CYTH1: variants seen among roughly 807,000 people sequenced by gnomAD.
CYTH1 encodes cytohesin-1.
CYTH1 carries 18 observed loss-of-function variants against 61.8 expected under a neutral mutation model. The ratio of observed to expected loss-of-function variants is 0.29; its 90% CI spans 0.20 to 0.43. The LOEUF (loss-of-function observed/expected upper bound fraction) is 0.43, where lower values mean the gene tolerates loss of function less well. Ranked by LOEUF, CYTH1 falls within the 20% of genes least tolerant of loss-of-function variation. The pLI is 1.00. For synonymous variants in CYTH1, 174 were observed against 184.3 expected, an observed-to-expected ratio of 0.94 and a Z score of 0.45; for missense variants, 336 against 510.5, an observed-to-expected ratio of 0.66 and a Z score of 3.29.
intron 1 of CYTH1, among the ~76,000 whole-genome samples, chr17:78,779,007 T>C (rs2093505282): frequency 6.6e-6 from 1 of 152,188 alleles, no homozygotes; most frequent in Admixed American, 6.5e-5. Flanking sequence ...CATATGATCA[T>C]CTTACACCAT....
chr17:78,749,954 A>G (rs1464481616), intron 1 of CYTH1, among the ~76,000 whole-genome samples: 1 of 152,198 alleles, frequency 6.6e-6, no homozygotes, highest in African/African-American at 2.4e-5. Flanking sequence ...AAATAATACC[A>G]CATACTTATT....
rs2092691129 is a variant in CYTH1, at chr17:78,675,729, G to A, written c.*362C>T. 5.3e-6 allele frequency: 3 copies of A among 567,910 alleles called. No homozygotes were observed. In the South Asian group the frequency reaches 9.7e-5, roughly 18 times the overall value. The allele number at this position is 567,910 out of a possible 1,614,324, so 35.2% of individuals were successfully genotyped here. On this transcript the variant is annotated 3_prime_UTR_variant, in exon 14 of 14. Transcript: ENST00000446868. ...ATATATGGACACATGTATTTATGGT[G>A]CAGGGTTTGAAGGCTTCTTCACGGG...
chr17:78,730,464 G>A (rs559066810), intron 1 of CYTH1, among the ~76,000 whole-genome samples: 7 of 150,196 alleles, frequency 4.7e-5, no homozygotes, highest in South Asian at 4.3e-4. Flanking sequence ...GTGTGAACTC[G>A]GGAGGCAGAG....
At chr17:78,678,192 T>C (rs1655946854) in intron 13 of CYTH1, 1 of 152,248 alleles carries the variant, frequency 6.6e-6, no homozygotes, top group Non-Finnish European at 1.5e-5. Flanking sequence ...AAATGTGACT[T>C]TGAAAAATGC....
Position 78,736,080 on chromosome 17 carries a change from C to T in CYTH1, c.23-26348G>A, listed in dbSNP as rs1391387607. On this transcript the variant is annotated intron_variant, in intron 1 of 13. Transcript: ENST00000446868. ...GCTTCAAACAGTCCTCACCTAACAA[C>T]CAAAGGGAGAAGACCACATCGTCTT... is the stretch of plus-strand genomic sequence containing the variant. Among the ~76,000 whole-genome samples, 7 of 152,332 alleles carry T rather than the reference C, an allele frequency of 4.6e-5. No homozygotes were observed. In the South Asian group the frequency reaches 1.4e-3, roughly 32 times the overall value.
chr17:78,763,302 C>CA (rs879854633), intron 1 of CYTH1, among the ~76,000 whole-genome samples: 1,995 of 99,806 alleles, frequency 0.02, 26 homozygotes, highest in African/African-American at 0.06. Context: ...GAGGCCGTGC[C>CA]AAAAAAAAAA....
chr17:78,738,418 T>C (rs1023292445), intron 1 of CYTH1, among the ~76,000 whole-genome samples: 4 of 152,148 alleles, frequency 2.6e-5, no homozygotes, highest in African/African-American at 9.7e-5. Context: ...TCATTGTAAA[T>C]GCAAACACCT....
rs1481375033 is a variant in CYTH1, at chr17:78,782,220, C to T, written c.4G>A (p.Glu2Lys). 14 of 1,357,578 alleles carry T rather than the reference C, an allele frequency of 1.0e-5. No homozygotes were observed. The highest frequency in any genetic ancestry group is 1.2e-5 in the Non-Finnish European group (12 of 1,039,900). 84.1% of individuals were successfully genotyped at this position (1,357,578 alleles called of 1,614,324 possible). Residue 2 changes from glutamate to lysine, a missense_variant, in exon 1 of 14, where the codon GAG (glutamate) becomes AAG (lysine). Transcript: ENST00000446868. ...CACTGACCGTAGCTGTCGTCCTCCT[C>T]CATGGTGCGGGAGCCGGGCTCCGCG... M[E>K]EDDSYVPSDL...
intron 11 of CYTH1, among the ~76,000 whole-genome samples, chr17:78,686,239 T>C (rs2092815286): frequency 6.6e-6 from 1 of 152,222 alleles, no homozygotes; most frequent in South Asian, 2.1e-4. Flanking sequence ...TAGGACATGA[T>C]TATATTTTCA....
chr17:78,704,736 G>A (rs905709982), intron 3 of CYTH1, among the ~76,000 whole-genome samples: 9 of 152,156 alleles, frequency 5.9e-5, no homozygotes, highest in Admixed American at 5.9e-4. Context: ...AACCCAGGCT[G>A]GTCTTAAACT....
intron 11 of CYTH1, among the ~76,000 whole-genome samples, chr17:78,685,542 A>G (rs2092808080): frequency 6.6e-6 from 1 of 152,198 alleles, no homozygotes; most frequent in African/African-American, 2.4e-5. Flanking sequence ...ATATTTTGGT[A>G]TTAGTTCCAT....
At position 78,700,266 on chromosome 17, in the gene CYTH1, TGGTGC is replaced by T; in HGVS notation, c.550+60_550+64del. On this transcript the variant is annotated intron_variant, in intron 7 of 13. Transcript: ENST00000446868. This position sits in a 1 kb window ranked among gnomAD's most constrained non-coding sequence, Gnocchi z 5.1. ...CAGCCCTTTTGTTTTAGAAATTATC[TGGTGC>T]CAAGAAAATAATCCAGTGTAAAACG... The T allele has an allele frequency of 3.6e-6, 5 of 1,377,436 alleles. No individual in the cohort carries two copies. Among genetic ancestry groups the T allele is most frequent in the Non-Finnish European group, 4.9e-6 (5 of 1,013,784 alleles). 85.3% of individuals were successfully genotyped at this position (1,377,436 alleles called of 1,614,324 possible).
Position 78,782,154 on chromosome 17 carries a change from G to A in CYTH1, c.22+48C>T, listed in dbSNP as rs1462906663. 9 of 1,333,782 alleles carry A rather than the reference G, an allele frequency of 6.7e-6. No individual in the cohort carries two copies. The South Asian group carries it at 6.8e-5, about 10-fold the overall frequency. The allele number at this position is 1,333,782 out of a possible 1,614,324, so 82.6% of individuals were successfully genotyped here. A position where few individuals can be genotyped will look rare whatever the true frequency, so the allele number is the denominator to read the frequency against. On this transcript the variant is annotated intron_variant, in intron 1 of 13. Transcript: ENST00000446868. ...CTGCCGGACGGCCGGGCCCGGAGGG[G>A]ACTGGGGGACAGCGAGGGGGAAGCG... is the stretch of plus-strand genomic sequence containing the variant.
At chr17:78,752,834 G>A (rs1207925165) in intron 1 of CYTH1, among the ~76,000 whole-genome samples, 4 of 152,116 alleles carry the variant, frequency 2.6e-5, no homozygotes, top group South Asian at 2.1e-4. Context: ...GATTAAATAC[G>A]ATACTGAAAA....
chr17:78,755,386 G>A (rs568897831), intron 1 of CYTH1, among the ~76,000 whole-genome samples: 4 of 150,794 alleles, frequency 2.7e-5, no homozygotes, highest in African/African-American at 9.7e-5. Flanking sequence ...CGCTCGCCTC[G>A]GCCTCCCAAG....
In CYTH1 at chr17:78,717,418, T is replaced by G. The variant is rs902053766; in HGVS notation, c.23-7686A>C. 5.9e-5 allele frequency among the ~76,000 whole-genome samples: 9 copies of G among 152,156 alleles called. No individual in the cohort carries two copies. Among genetic ancestry groups the G allele is most frequent in the Non-Finnish European group, 1.2e-4 (8 of 68,016 alleles). ...TCCAATTTAATGAAGAGGATTAAAG[T>G]GACAAAAACAACAAGGCGCTATTGT... is the stretch of plus-strand genomic sequence containing the variant. On this transcript the variant is annotated intron_variant, in intron 1 of 13. Coordinates refer to ENST00000446868, the MANE Select transcript of CYTH1 (RefSeq NM_004762.6). This position sits in a 1 kb window ranked among gnomAD's most constrained non-coding sequence, Gnocchi z 4.4.
chr17:78,690,714 T>C (rs1263416843), intron 11 of CYTH1, among the ~76,000 whole-genome samples: 1 of 152,050 alleles, frequency 6.6e-6, no homozygotes, highest in African/African-American at 2.4e-5. Flanking sequence ...AAAAAAAGTA[T>C]TTTTCTCTGT....
At chr17:78,750,984 T>C (rs901894944) in intron 1 of CYTH1, among the ~76,000 whole-genome samples, 1 of 152,038 alleles carries the variant, frequency 6.6e-6, no homozygotes, top group South Asian at 2.1e-4. Flanking sequence ...ATATATATTG[T>C]TGTGTTTTGT....
At position 78,697,636 on chromosome 17, in the gene CYTH1, A is replaced by G. The variant is rs571858464; in HGVS notation, c.811+633T>C. On this transcript the variant is annotated intron_variant, in intron 9 of 13. Transcript: ENST00000446868. ...AAAGAAAAAAAAAAAACCACTGCCC[A>G]AGAATGAGTAAGAGTGCTGTGGATT... 2.6e-5 allele frequency among the ~76,000 whole-genome samples: 4 copies of G among 151,764 alleles called. No individual in the cohort carries two copies. The South Asian group carries it at 8.3e-4, about 31-fold the overall frequency.
Sources: gnomAD v4.1 joint callset for allele counts (sites outside exome capture counted in the v4.1 genomes callset) on GRCh38, gnomAD v4.1.1 for gene constraint, Gnocchi (gnomAD v3.1) non-coding constraint, MANE v1.5 for transcripts, NCBI Gene and HGNC (gene_info 2026-07-23, HGNC 2026-07-21) for gene names.